Variants in TRAF3IP1 observed in about 807,000 individuals in gnomAD.
TRAF3IP1 encodes intraflagellar transport 54, also known as TRAF3-interacting protein 1.
Under a neutral mutation model 89.9 loss-of-function variants are expected in TRAF3IP1, and 53 were observed. The observed-to-expected ratio is 0.59, with a 90% CI of 0.47 to 0.74. The LOEUF (loss-of-function observed/expected upper bound fraction) is 0.74, where lower values mean the gene tolerates loss of function less well. Ranked by LOEUF, TRAF3IP1 falls within the 30% of genes least tolerant of loss-of-function variation. The pLI is 0.00. For missense variants in TRAF3IP1, 806 were observed against 866.1 expected, an observed-to-expected ratio of 0.93 and a Z score of 0.87; for synonymous variants, 311 against 322.1, an observed-to-expected ratio of 0.97 and a Z score of 0.37.
At chr2:238,377,033 C>T (rs753655699) in intron 15 of TRAF3IP1, among the ~76,000 whole-genome samples, 14 of 152,100 alleles carry the variant, frequency 9.2e-5, no homozygotes, top group Admixed American at 3.9e-4. Flanking sequence ...GGCAATCGCA[C>T]CCAGAGTCCA....
Position 238,352,352 on chromosome 2 carries a change from G to A in TRAF3IP1, c.1452-475G>A, listed in dbSNP as rs184709697. Among the ~76,000 whole-genome samples the A allele has an allele frequency of 3.0e-3, 458 of 152,298 alleles. 6 individuals are homozygous for A. The highest frequency in any genetic ancestry group is 0.027 in the South Asian group (128 of 4,820). On this transcript the variant is annotated intron_variant, in intron 12 of 16. Coordinates refer to ENST00000373327, the MANE Select transcript of TRAF3IP1 (RefSeq NM_015650.4). ...AGGGGCCTCCAGCTGGCTGTGTGAAGAGAGGTCTGGGGTCAGCCCTGGTCA... is the reference window on the plus strand; with the variant it reads ...AGGGGCCTCCAGCTGGCTGTGTGAAAAGAGGTCTGGGGTCAGCCCTGGTCA...
At chr2:238,328,632 G>T in intron 3 of TRAF3IP1, 54 bp from the exon 4 acceptor site, 1 of 1,572,742 alleles carries the variant, frequency 6.4e-7, no homozygotes, top group Non-Finnish European at 8.7e-7. Flanking sequence ...TATTTGTTAC[G>T]TGTGCGGATC....
In TRAF3IP1 at chr2:238,378,013, T is replaced by TTTTG. The variant is rs531749864; in HGVS notation, c.1690-19430_1690-19427dup. On this transcript the variant is annotated intron_variant, in intron 15 of 16. Transcript: ENST00000373327. ...TGGATGTAGTTTAGTTTAGTTTAGTTTTTGTTTGTTTGTTTGTTTTTTGTT... is the reference window on the plus strand; with the variant it reads ...TGGATGTAGTTTAGTTTAGTTTAGTTTTTGTTTGTTTGTTTGTTTGTTTTTTGTT... Among the ~76,000 whole-genome samples, 4 of 152,254 alleles carry TTTTG rather than the reference T, an allele frequency of 2.6e-5. 1 individual carries two copies. Among genetic ancestry groups the TTTTG allele is most frequent in the South Asian group, 4.1e-4 (2 of 4,834 alleles).
chr2:238,332,624 C>T (rs1698182213), intron 5 of TRAF3IP1, among the ~76,000 whole-genome samples, 200 bp from the exon 6 acceptor site: 1 of 152,124 alleles, frequency 6.6e-6, no homozygotes, highest in African/African-American at 2.4e-5. Context: ...AAGAGATCTC[C>T]CTGCCATTGG....
intron 15 of TRAF3IP1, among the ~76,000 whole-genome samples, chr2:238,361,153 C>T (rs976256700): frequency 2.0e-5 from 3 of 150,812 alleles, no homozygotes; most frequent in African/African-American, 7.3e-5. Context: ...CTCAAGTGAT[C>T]CTCCCACCTC....
intron 3 of TRAF3IP1, among the ~76,000 whole-genome samples, chr2:238,326,848 C>G (rs947945331): frequency 2.0e-5 from 3 of 152,132 alleles, no homozygotes; most frequent in African/African-American, 7.2e-5. Context: ...AGGAGGCCCC[C>G]CCAGTGCAGG....
chr2:238,375,929 A>G (rs1038895762), intron 15 of TRAF3IP1, among the ~76,000 whole-genome samples: 1 of 152,154 alleles, frequency 6.6e-6, no homozygotes, highest in Non-Finnish European at 1.5e-5. Flanking sequence ...CCTCATATGG[A>G]TAACCAAGTT....
intron 15 of TRAF3IP1, among the ~76,000 whole-genome samples, chr2:238,376,992 T>C (rs1200928735): frequency 6.6e-6 from 1 of 151,752 alleles, no homozygotes; most frequent in African/African-American, 2.4e-5. Context: ...GCCGTATGAG[T>C]GGTGAGTGGC....
intron 12 of TRAF3IP1, among the ~76,000 whole-genome samples, chr2:238,350,291 A>G (rs1323741528): frequency 6.6e-6 from 1 of 152,134 alleles, no homozygotes; most frequent in Non-Finnish European, 1.5e-5. Context: ...TCCAGTGGAA[A>G]GGGGAAATTG....
chr2:238,339,885 A>G (rs1698555646), intron 8 of TRAF3IP1, among the ~76,000 whole-genome samples: 1 of 152,274 alleles, frequency 6.6e-6, no homozygotes, highest in Non-Finnish European at 1.5e-5. Flanking sequence ...AGGACTGTGT[A>G]GGTAATATCA....
chr2:238,337,148 C>A (rs144644162), intron 7 of TRAF3IP1, among the ~76,000 whole-genome samples: 1 of 152,280 alleles, frequency 6.6e-6, no homozygotes, highest in East Asian at 1.9e-4. Context: ...CCTTCCTTCA[C>A]TGATTCTGCA....
chr2:238,325,090 C>T (rs1354342179), intron 1 of TRAF3IP1, among the ~76,000 whole-genome samples: 1 of 152,164 alleles, frequency 6.6e-6, no homozygotes, highest in Non-Finnish European at 1.5e-5. Context: ...TCATCTTTAC[C>T]TGTCTGTCCA....
intron 15 of TRAF3IP1, among the ~76,000 whole-genome samples, chr2:238,358,141 C>T (rs1205326824): frequency 5.3e-5 from 8 of 150,096 alleles, no homozygotes; most frequent in Admixed American, 2.0e-4. Context: ...GTCAGAATCT[C>T]GCTCTGTTGC....
At chr2:238,398,726 A>T in intron 16 of TRAF3IP1, 28 bp from the exon 17 acceptor site, 1 of 1,549,334 alleles carries the variant, frequency 6.5e-7, no homozygotes, top group Non-Finnish European at 8.7e-7. Flanking sequence ...TGAGAGAGTG[A>T]TGAGCCGCTG....
chr2:238,389,027 T>C (rs756715276), intron 15 of TRAF3IP1, among the ~76,000 whole-genome samples: 1 of 152,326 alleles, frequency 6.6e-6, no homozygotes, highest in Non-Finnish European at 1.5e-5. Context: ...TTTTGATTTA[T>C]TGCCCACCTC....
chr2:238,357,351 A>C (rs977978629), intron 15 of TRAF3IP1, among the ~76,000 whole-genome samples: 5 of 152,246 alleles, frequency 3.3e-5, no homozygotes, highest in Admixed American at 6.5e-5. Context: ...ATTTAGCCTA[A>C]TAACTCAACA....
intron 3 of TRAF3IP1, 31 bp downstream of exon 3, chr2:238,326,001 A>G: frequency 6.3e-7 from 1 of 1,592,216 alleles, no homozygotes; most frequent in Non-Finnish European, 8.6e-7. Flanking sequence ...TTTTGAACTT[A>G]CTTAGTACTT....
intron 1 of TRAF3IP1, among the ~76,000 whole-genome samples, chr2:238,322,093 C>G (rs1216352530): frequency 6.6e-6 from 1 of 152,238 alleles, no homozygotes; most frequent in Non-Finnish European, 1.5e-5. Context: ...GGGAGAGGAC[C>G]TGCTGTGTGG....
intron 1 of TRAF3IP1, among the ~76,000 whole-genome samples, chr2:238,323,307 G>T (rs1697654417): frequency 6.6e-6 from 1 of 152,150 alleles, no homozygotes. Context: ...TCGAACTCCT[G>T]ACCTCAGGTG....
Sources: gnomAD v4.1 joint callset for allele counts (sites outside exome capture counted in the v4.1 genomes callset) on GRCh38, gnomAD v4.1.1 for gene constraint, MANE v1.5 for transcripts, NCBI Gene and HGNC (gene_info 2026-07-23, HGNC 2026-07-21) for gene names.